HCCS: variants seen among roughly 807,000 people sequenced by gnomAD.
HCCS encodes holocytochrome c synthase.
A neutral mutation model predicts 24.2 loss-of-function variants in HCCS; 2 were observed. The observed-to-expected ratio is 0.08, with a 90% CI of 0.03 to 0.26. HCCS has a LOEUF of 0.26. HCCS is among the 10% of genes least tolerant of loss of function. The pLI is 1.00. For missense variants in HCCS, 150 were observed against 213.3 expected (o/e 0.70, Z 1.85); for synonymous variants, 73 against 76.2 (o/e 0.96, Z 0.22).
Position 11,117,309 on chromosome X carries a change from G to A in HCCS, c.295G>A (p.Ala99Thr), listed in dbSNP as rs777391038. 8.3e-7 allele frequency: 1 copy of A among 1,208,845 alleles called. No individual in the cohort carries two copies. The highest frequency in any genetic ancestry group is 1.1e-6 in the Non-Finnish European group (1 of 892,660). The change falls in exon 4 of 7, where the codon GCA becomes ACA. Residue 99 changes from alanine (A) to threonine (T), a missense_variant. Transcript: ENST00000380762. Reference sequence around the variant, plus strand: ...AACACCAGCTCCAGATCAGCCATTTGCATTGTCTACTGTCAGAGAAGAGTC... The same window carrying A: ...AACACCAGCTCCAGATCAGCCATTTACATTGTCTACTGTCAGAGAAGAGTC... ...NQTPAPDQPFALSTVREESSI... is the reference protein window; with the variant it reads ...NQTPAPDQPFTLSTVREESSI...
intron 2 of HCCS, 99 bp from the exon 3 acceptor site, chrX:11,114,736 G>A: frequency 2.7e-6 from 2 of 739,464 alleles, no homozygotes; most frequent in Non-Finnish European, 4.2e-6. Flanking sequence ...TCCTATGGTG[G>A]TAATCATTGG....
In HCCS at chrX:11,112,048, A is replaced by G. The variant is rs751700756; in HGVS notation, c.-13A>G. On this transcript the variant is annotated 5_prime_UTR_variant, in exon 2 of 7. Transcript: ENST00000380762. ...AAATTTAAAATTGTTTACAGTCAAC[A>G]CTGTTTCCAGCCATGGGTTTGTCTC... 2 of 1,174,118 alleles carry G rather than the reference A, an allele frequency of 1.7e-6. No individual in the cohort carries two copies. Among genetic ancestry groups the G allele is most frequent in the Non-Finnish European group, 2.3e-6 (2 of 862,242 alleles).
intron 3 of HCCS, 25 bp from the exon 4 acceptor site, chrX:11,117,242 A>T: frequency 8.3e-7 from 1 of 1,197,934 alleles, no homozygotes; most frequent in Non-Finnish European, 1.1e-6. Context: ...TATCCTATAA[A>T]AGCAAATCTG....
At chrX:11,112,912 A>G (rs1200856873) in intron 2 of HCCS, among the ~76,000 whole-genome samples, 7 of 112,693 alleles carry the variant, frequency 6.2e-5, no homozygotes, top group Non-Finnish European at 9.4e-5. Context: ...CAGCCCCCCA[A>G]CAAAGAATCA....
intron 5 of HCCS, 75 bp from the exon 6 acceptor site, chrX:11,120,832 T>TA (rs1433681301): frequency 1.3e-5 from 11 of 866,284 alleles, no homozygotes; most frequent in Non-Finnish European, 1.9e-5. Flanking sequence ...TGGATATTAC[T>TA]AAAAAATTAG....
intron 2 of HCCS, among the ~76,000 whole-genome samples, chrX:11,113,273 T>C (rs1345412745): frequency 6.2e-5 from 7 of 112,456 alleles, no homozygotes; most frequent in African/African-American, 1.9e-4. Context: ...CTGCCCATTC[T>C]GTACCAAGCA....
In HCCS at chrX:11,121,855, G is replaced by A. The variant is rs1438601348; in HGVS notation, c.*45G>A. On this transcript the variant is annotated 3_prime_UTR_variant, in exon 7 of 7. Coordinates refer to ENST00000380762, the MANE Select transcript of HCCS (RefSeq NM_005333.5). ...AAATATAAACTATTTTTTTCTGAGC[G>A]ATACATTAAACTATTTTCCCCAGAT... The A allele has an allele frequency of 8.6e-6, 9 of 1,042,517 alleles. No homozygotes were observed. Among genetic ancestry groups the A allele is most frequent in the East Asian group, 6.1e-5 (2 of 32,639 alleles). The allele number at this position is 1,042,517 out of a possible 1,213,427, so 85.9% of individuals were successfully genotyped here.
chrX:11,112,226 G>A, intron 2 of HCCS, 66 bp downstream of exon 2: 2 of 842,448 alleles, frequency 2.4e-6, no homozygotes, highest in Non-Finnish European at 3.5e-6. Context: ...GGTGGTTCAC[G>A]CCTGTGACAG....
At chrX:11,115,659 A>G (rs1425771065) in intron 3 of HCCS, among the ~76,000 whole-genome samples, 4 of 112,212 alleles carry the variant, frequency 3.6e-5, no homozygotes, top group Non-Finnish European at 7.5e-5. Context: ...TGGGGGATAC[A>G]ATAGCAGCGT....
At position 11,122,753 on chromosome X, in the gene HCCS, C is replaced by T. The variant is rs917908375; in HGVS notation, c.*943C>T. 8.9e-6 allele frequency: 1 copy of T among 112,462 alleles called. No homozygotes were observed. Among genetic ancestry groups the T allele is most frequent in the Non-Finnish European group, 1.9e-5 (1 of 53,293 alleles). 9.3% of individuals were successfully genotyped at this position (112,462 alleles called of 1,213,427 possible). ...TTCCCAGATGGAGAACGCTTCAACT[C>T]AGTCTAGATTTTTTTTGTTTGTTTT... On this transcript the variant is annotated 3_prime_UTR_variant, in exon 7 of 7. Transcript: ENST00000380762.
At chrX:11,112,673 C>T (rs968103200) in intron 2 of HCCS, among the ~76,000 whole-genome samples, 2 of 112,775 alleles carry the variant, frequency 1.8e-5, no homozygotes, top group Non-Finnish European at 3.7e-5. Context: ...TTTCACAGGC[C>T]TGTCATGATG....
intron 4 of HCCS, 112 bp downstream of exon 4, chrX:11,117,527 C>T: frequency 6.1e-6 from 4 of 656,478 alleles, no homozygotes; most frequent in Non-Finnish European, 9.6e-6. Flanking sequence ...ATGTATTAAT[C>T]AGTTTATAAT....
intron 5 of HCCS, 108 bp downstream of exon 5, chrX:11,118,728 G>A: frequency 1.2e-6 from 1 of 843,231 alleles, no homozygotes; most frequent in Non-Finnish European, 1.8e-6. Context: ...ATTTTATGTA[G>A]CAGGCATGGC....
Position 11,112,104 on chromosome X carries a change from C to G in HCCS, c.44C>G (p.Ser15Ter), listed in dbSNP as rs1394306240. Residue 15 changes from serine to a stop codon, truncating the protein, a stop_gained, in exon 2 of 7, where the codon TCA becomes TGA. Coordinates refer to ENST00000380762, the MANE Select transcript of HCCS (RefSeq NM_005333.5). LOFTEE classifies it high-confidence loss of function. ...PSAPAVAVQA[S>*]NASASPPSGC... Reference sequence around the variant, plus strand: ...GCTCCTGCTGTTGCAGTTCAGGCCTCAAATGCTTCAGCGTCCCCACCTTCA... The same window carrying G: ...GCTCCTGCTGTTGCAGTTCAGGCCTGAAATGCTTCAGCGTCCCCACCTTCA... The G allele has an allele frequency of 8.3e-7, 1 of 1,210,563 alleles. No individual in the cohort carries two copies.
chrX:11,117,877 C>T (rs1011811327), intron 4 of HCCS, among the ~76,000 whole-genome samples: 1 of 111,902 alleles, frequency 8.9e-6, no homozygotes, highest in African/African-American at 3.3e-5. Flanking sequence ...GGCCTTCCCT[C>T]TTACTCATGG....
At chrX:11,114,223 A>AATAGGCC (rs772915725) in intron 2 of HCCS, among the ~76,000 whole-genome samples, 1 of 113,126 alleles carries the variant, frequency 8.8e-6, no homozygotes, top group African/African-American at 3.2e-5. Flanking sequence ...GACTGATGGG[A>AATAGGCC]ATAGGCCATA....
chrX:11,113,767 C>T (rs2045429571), intron 2 of HCCS, among the ~76,000 whole-genome samples: 1 of 112,119 alleles, frequency 8.9e-6, no homozygotes. Flanking sequence ...TAACACCCAG[C>T]TGGGATCTAT....
chrX:11,118,355 T>G lies in HCCS; in HGVS notation c.402-146T>G, dbSNP rs1248281570. ...ATGGGTAAATCTTGAAAATGAGCCT[T>G]AGATCTGTTAAATTCAGAGAAAATG... On this transcript the variant is annotated intron_variant, in intron 4 of 6. Coordinates refer to ENST00000380762, the MANE Select transcript of HCCS (RefSeq NM_005333.5). 5.3e-6 allele frequency: 3 copies of G among 563,576 alleles called. No homozygotes were observed. In the African/African-American group the frequency reaches 6.8e-5, roughly 13 times the overall value. 46.4% of individuals were successfully genotyped at this position (563,576 alleles called of 1,213,427 possible). A position where few individuals can be genotyped will look rare whatever the true frequency, so the allele number is the denominator to read the frequency against.
rs770913610 is a variant in HCCS at position 11,114,995 on chromosome X, C to G, written c.252+9C>G. On this transcript the variant is annotated intron_variant, in intron 3 of 6. Transcript: ENST00000380762. Reference sequence around the variant, plus strand: ...TAGATCCTTCAAATCTGGTAATCCACACTCATCTTTTCTTTCTGGAGCTTT... The same window carrying G: ...TAGATCCTTCAAATCTGGTAATCCAGACTCATCTTTTCTTTCTGGAGCTTT... The G allele has an allele frequency of 2.5e-6, 3 of 1,203,974 alleles. No homozygotes were observed. The highest frequency in any genetic ancestry group is 3.4e-6 in the Non-Finnish European group (3 of 888,352).
Sources: gnomAD v4.1 joint callset for allele counts (sites outside exome capture counted in the v4.1 genomes callset) on GRCh38, gnomAD v4.1.1 for gene constraint, MANE v1.5 for transcripts, NCBI Gene and HGNC (gene_info 2026-07-23, HGNC 2026-07-21) for gene names.